MTHFD1L: variants seen among roughly 807,000 people sequenced by gnomAD.
The protein encoded by MTHFD1L is methylenetetrahydrofolate dehydrogenase (NADP+ dependent) 1 like, also known as monofunctional C1-tetrahydrofolate synthase, mitochondrial.
A neutral mutation model predicts 119.5 loss-of-function variants in MTHFD1L; 81 were observed. That is an observed-to-expected ratio of 0.68 (90% CI 0.57 to 0.82). The LOEUF is 0.82. Ranked by LOEUF, MTHFD1L falls within the 40% of genes least tolerant of loss-of-function variation. The pLI is 0.00. For missense variants in MTHFD1L, 1,125 were observed against 1,253.4 expected, an observed-to-expected ratio of 0.90 and a Z score of 1.55; for synonymous variants, 430 against 475.2, an observed-to-expected ratio of 0.90 and a Z score of 1.24.
chr6:150,995,439 G>C (rs1779682159), intron 20 of MTHFD1L, among the ~76,000 whole-genome samples: 1 of 151,032 alleles, frequency 6.6e-6, no homozygotes. Context: ...ACTTGAACCT[G>C]GGAGGCGGAG....
At chr6:151,052,402 T>C (rs924081642) in intron 26 of MTHFD1L, among the ~76,000 whole-genome samples, 1 of 152,214 alleles carries the variant, frequency 6.6e-6, no homozygotes, top group Non-Finnish European at 1.5e-5. Context: ...AGCTTAGTGT[T>C]GGCAGGAGGC....
At chr6:150,966,733 G>A (rs1797267806) in intron 19 of MTHFD1L, among the ~76,000 whole-genome samples, 1 of 152,226 alleles carries the variant, frequency 6.6e-6, no homozygotes, top group South Asian at 2.1e-4. Flanking sequence ...GGCTGAGGCA[G>A]GAGAATCACT....
rs1031207324 is a variant in MTHFD1L at position 150,918,626 on chromosome 6, G to A, written c.942G>A (p.Glu314=). The change falls in exon 9 of 28, where the codon GAG becomes GAA. Residue 314 remains glutamate (E), a synonymous_variant. Coordinates refer to ENST00000367321, the MANE Select transcript of MTHFD1L (RefSeq NM_015440.5). ...SPRIHFGGLI[E]EDDVILLAAA... is the part of the protein sequence containing the mutation. ...GAATACATTTTGGTGGACTCATTGA[G>A]GAAGATGATGTGATTCTCCTTGCTG... The A allele has an allele frequency of 1.2e-6, 2 of 1,614,054 alleles. No individual in the cohort carries two copies. Among genetic ancestry groups the A allele is most frequent in the African/African-American group, 2.7e-5 (2 of 74,926 alleles).
rs191127118 is a variant in MTHFD1L, at chr6:151,046,457, T to A, written c.2847+9340T>A. On this transcript the variant is annotated intron_variant, in intron 26 of 27. Transcript: ENST00000367321. ...ACAACTGGTAATATATATATATATATAATATGTGTGTGTGTATATATATAT... is the reference window on the plus strand; with the variant it reads ...ACAACTGGTAATATATATATATATAAAATATGTGTGTGTGTATATATATAT... Among the ~76,000 whole-genome samples the A allele has an allele frequency of 8.1e-5, 11 of 136,462 alleles. No homozygotes were observed. The East Asian group carries it at 1.1e-3, about 14-fold the overall frequency. 89.5% of individuals were successfully genotyped at this position (136,462 alleles called of 152,430 possible).
chr6:151,014,258 G>T (rs770240303), intron 22 of MTHFD1L, among the ~76,000 whole-genome samples: 5 of 152,056 alleles, frequency 3.3e-5, no homozygotes, highest in Non-Finnish European at 4.4e-5. Context: ...GAAATGGATG[G>T]GATGAAAGGA....
At chr6:150,983,379 G>A (rs920975564) in intron 20 of MTHFD1L, among the ~76,000 whole-genome samples, 2 of 152,116 alleles carry the variant, frequency 1.3e-5, no homozygotes, top group Non-Finnish European at 2.9e-5. Context: ...TTGTGTAATG[G>A]TGTCTTTTTT....
At chr6:150,941,516 A>G (rs1228910147) in intron 13 of MTHFD1L, among the ~76,000 whole-genome samples, 2 of 152,226 alleles carry the variant, frequency 1.3e-5, no homozygotes, top group African/African-American at 2.4e-5. Flanking sequence ...GAGGAAGACT[A>G]TGGAAGTAGC....
chr6:151,015,368 C>A, intron 23 of MTHFD1L, 148 bp from the exon 24 acceptor site: 1 of 877,468 alleles, frequency 1.1e-6, no homozygotes, highest in Non-Finnish European at 1.7e-6. Context: ...TGCTTTAAGT[C>A]TGATTTATTT....
intron 24 of MTHFD1L, among the ~76,000 whole-genome samples, chr6:151,032,501 T>G (rs1998263): frequency 0.99 from 151,472 of 152,302 alleles, 75,324 homozygotes; most frequent in East Asian, 1. Context: ...ACCTCCCACC[T>G]GGCCCCACCT....
At chr6:150,877,992 T>A (rs1780740926) in intron 4 of MTHFD1L, among the ~76,000 whole-genome samples, 166 bp downstream of exon 4, 1 of 152,234 alleles carries the variant, frequency 6.6e-6, no homozygotes, top group Admixed American at 6.5e-5. Context: ...CTTCATGATA[T>A]CCTTGTTTCT....
In MTHFD1L at chr6:151,101,407, C is replaced by G. The variant is rs573664460; in HGVS notation, c.*32-119C>G. The stretch of plus-strand genomic sequence containing the variant: ...CAGCCTTATCTAGCGAACCATCACT[C>G]TGCTCTTGAATTTTCTTTTGGCCTC... On this transcript the variant is annotated intron_variant, in intron 27 of 27. Transcript: ENST00000367321. 3 of 152,384 alleles carry G rather than the reference C, an allele frequency of 2.0e-5. No homozygotes were observed. The South Asian group carries it at 6.2e-4, about 32-fold the overall frequency. 9.4% of individuals were successfully genotyped at this position (152,384 alleles called of 1,614,324 possible).
At chr6:150,957,074 C>T (rs993156613) in intron 17 of MTHFD1L, among the ~76,000 whole-genome samples, 1 of 152,176 alleles carries the variant, frequency 6.6e-6, no homozygotes, top group African/African-American at 2.4e-5. Flanking sequence ...AACAAGCATT[C>T]TTGCTTTTCA....
chr6:150,918,063 C>T (rs909366935), intron 8 of MTHFD1L, among the ~76,000 whole-genome samples: 1 of 139,644 alleles, frequency 7.2e-6, no homozygotes, highest in Admixed American at 7.1e-5. Flanking sequence ...GCTTAGATGG[C>T]CTTTTTTTTT....
chr6:151,019,226 G>GATCATGCCATCTGATCATC (rs1783590911), intron 24 of MTHFD1L, among the ~76,000 whole-genome samples: 1 of 151,948 alleles, frequency 6.6e-6, no homozygotes, highest in Middle Eastern at 3.2e-3. Context: ...CTCTGATCAT[G>GATCATGCCATCTGATCATC]CCATCTGATC....
At chr6:150,910,181 C>CA (rs1562361062) in intron 8 of MTHFD1L, among the ~76,000 whole-genome samples, 2 of 150,722 alleles carry the variant, frequency 1.3e-5, no homozygotes, top group African/African-American at 2.4e-5. Context: ...AGCTCCATCT[C>CA]AAAAAATTAA....
intron 20 of MTHFD1L, among the ~76,000 whole-genome samples, chr6:150,974,982 C>T (rs1017312134): frequency 2.0e-5 from 3 of 152,146 alleles, no homozygotes; most frequent in African/African-American, 4.8e-5. Flanking sequence ...AGGTGATCCA[C>T]CCATATCAGC....
chr6:150,870,016 C>T (rs1019981721), intron 1 of MTHFD1L, among the ~76,000 whole-genome samples: 12 of 152,060 alleles, frequency 7.9e-5, no homozygotes, highest in East Asian at 1.9e-4. Flanking sequence ...ATGATCCACC[C>T]GCCTTGGCCT....
intron 26 of MTHFD1L, among the ~76,000 whole-genome samples, chr6:151,069,354 A>G (rs1791708853): frequency 6.6e-6 from 1 of 151,656 alleles, no homozygotes; most frequent in Non-Finnish European, 1.5e-5. Context: ...GGTATTGTCA[A>G]AAACAAGTGA....
intron 16 of MTHFD1L, among the ~76,000 whole-genome samples, chr6:150,954,194 A>G (rs985107323): frequency 1.3e-5 from 2 of 152,210 alleles, no homozygotes; most frequent in African/African-American, 4.8e-5. Context: ...CGTAATTTCC[A>G]TCACCATTTT....
Sources: gnomAD v4.1 joint callset for allele counts (sites outside exome capture counted in the v4.1 genomes callset) on GRCh38, gnomAD v4.1.1 for gene constraint, MANE v1.5 for transcripts, NCBI Gene and HGNC (gene_info 2026-07-23, HGNC 2026-07-21) for gene names.